Variants in TLR5 observed in about 807,000 individuals in gnomAD.
The protein encoded by TLR5 is toll like receptor 5.
For synonymous variants in TLR5, 373 were observed against 384.4 expected, an observed-to-expected ratio of 0.97 and a Z score of 0.35; for missense variants, 944 against 999.8, an observed-to-expected ratio of 0.94 and a Z score of 0.75.
At position 223,112,808 on chromosome 1, in the gene TLR5, A is replaced by AGAAGCT. The variant is rs759894202; in HGVS notation, c.223_224insAGCTTC (p.Gln73_Leu74dup). ...GGGGGTATACTGGCTCCCGAGCTCC[A>AGAAGCT]GCAGCTGCAGCTGTTCCAGAAAGGG... is the stretch of plus-strand genomic sequence containing the variant. On this transcript the variant is annotated inframe_insertion, in exon 6 of 6. Coordinates refer to ENST00000642603, the MANE Select transcript of TLR5 (RefSeq NM_003268.6). The AGAAGCT allele has an allele frequency of 3.1e-6, 5 of 1,612,312 alleles. No homozygotes were observed. Among genetic ancestry groups the AGAAGCT allele is most frequent in the Non-Finnish European group, 3.4e-6 (4 of 1,179,014 alleles).
intron 5 of TLR5, among the ~76,000 whole-genome samples, chr1:223,120,881 A>G (rs1422971756): frequency 6.6e-6 from 1 of 152,248 alleles, no homozygotes; most frequent in Non-Finnish European, 1.5e-5. Flanking sequence ...CAGAAGTTTA[A>G]GACCAGCCTG....
chr1:223,111,969 T>A lies in TLR5; in HGVS notation c.1063A>T (p.Asn355Tyr), dbSNP rs764024331. The change falls in exon 6 of 6, where the codon AAT becomes TAT. Residue 355 changes from asparagine (N) to tyrosine (Y), a missense_variant. Physicochemically the swap from Asn to Tyr is moderately radical, Grantham distance 143. Transcript: ENST00000642603. ...GCTACCTTAGGTAGTCCATAGAAATTCGAACTGTAAAGTTCCCCCAGAAGG... is the reference window on the plus strand; with the variant it reads ...GCTACCTTAGGTAGTCCATAGAAATACGAACTGTAAAGTTCCCCCAGAAGG... ...YNLLGELYSSNFYGLPKVAYI... is the reference protein window; with the variant it reads ...YNLLGELYSSYFYGLPKVAYI... The A allele has an allele frequency of 1.7e-5, 28 of 1,614,080 alleles. No homozygotes were observed. The highest frequency in any genetic ancestry group is 2.3e-5 in the Non-Finnish European group (27 of 1,180,042).
rs1299308645 is a variant in TLR5, at chr1:223,131,697, G to A, written c.-5+778C>T. 6.6e-6 allele frequency among the ~76,000 whole-genome samples: 1 copy of A among 152,130 alleles called. No homozygotes were observed. The highest frequency in any genetic ancestry group is 1.5e-5 in the Non-Finnish European group (1 of 68,024). ...TCCCATCTCAGCTTCCCAAGTAGTT[G>A]GGACTACAGGCTTGTACCACCATGC... On this transcript the variant is annotated intron_variant, in intron 5 of 5. Coordinates refer to ENST00000642603, the MANE Select transcript of TLR5 (RefSeq NM_003268.6). The surrounding 1 kb of genome is among the most constrained non-coding windows in gnomAD (Gnocchi z 4.2).
At position 223,112,342 on chromosome 1, in the gene TLR5, T is replaced by C. The variant is rs915894891; in HGVS notation, c.690A>G (p.Ile230Met). 1.2e-6 allele frequency: 2 copies of C among 1,614,236 alleles called. No individual in the cohort carries two copies. The highest frequency in any genetic ancestry group is 2.7e-5 in the African/African-American group (2 of 75,066). Residue 230 changes from isoleucine (I) to methionine (M), a missense_variant, in exon 6 of 6, where the codon ATA becomes ATG. Coordinates refer to ENST00000642603, the MANE Select transcript of TLR5 (RefSeq NM_003268.6). ...MNPFRNMVLE[I>M]LDVSGNGWTV... ...TCCAGCCATTTCCAGAAACATCTAGTATCTCCAGCACCATGTTTCTGAATG... is the reference window on the plus strand; with the variant it reads ...TCCAGCCATTTCCAGAAACATCTAGCATCTCCAGCACCATGTTTCTGAATG...
intron 2 of TLR5, among the ~76,000 whole-genome samples, chr1:223,140,546 C>CAAA (rs11388643): frequency 7.3e-5 from 9 of 122,596 alleles, no homozygotes; most frequent in African/African-American, 1.8e-4. Flanking sequence ...GACTCTGTCT[C>CAAA]AAAAAAAAAA....
intron 5 of TLR5, among the ~76,000 whole-genome samples, chr1:223,116,870 C>T (rs1242599617): frequency 2.6e-5 from 4 of 152,234 alleles, no homozygotes; most frequent in Non-Finnish European, 4.4e-5. Context: ...CTCCAAGTCC[C>T]CACCTGACTC....
intron 5 of TLR5, among the ~76,000 whole-genome samples, chr1:223,118,999 G>T (rs1286322776): frequency 6.6e-6 from 1 of 152,046 alleles, no homozygotes; most frequent in Non-Finnish European, 1.5e-5. Flanking sequence ...AGCTACTCAG[G>T]AGGCTCAGGC....
Position 223,112,181 on chromosome 1 carries a change from C to T in TLR5, c.851G>A (p.Gly284Asp). ...IKDPDQNTFA[G>D]LARSSVRHLD... ...GTGTCTCACTGAACTTCTGGCCAGG[C>T]CAGCAAATGTGTTCTGGTCAGGATC... The change falls in exon 6 of 6, where the codon GGC becomes GAC. Residue 284 changes from glycine to aspartate, a missense_variant. Coordinates refer to ENST00000642603, the MANE Select transcript of TLR5 (RefSeq NM_003268.6). 2 of 1,614,194 alleles carry T rather than the reference C, an allele frequency of 1.2e-6. No homozygotes were observed. Among genetic ancestry groups the T allele is most frequent in the Non-Finnish European group, 1.7e-6 (2 of 1,180,036 alleles).
rs1158997556 is a variant in TLR5 at position 223,119,948 on chromosome 1, A to AAAAAT, written c.-4-6918_-4-6914dup. Among the ~76,000 whole-genome samples the AAAAAT allele has an allele frequency of 6.5e-3, 299 of 45,936 alleles. 75 individuals carry two copies. The highest frequency in any genetic ancestry group is 0.037 in the Middle Eastern group (4 of 108). 30.1% of individuals were successfully genotyped at this position (45,936 alleles called of 152,430 possible). On this transcript the variant is annotated intron_variant, in intron 5 of 5. Transcript: ENST00000642603. ...CTTGGCAACAGAGTGAGACTGTCTC[A>AAAAAT]AAAATAAAATAAAATAAAATAAAAT...
chr1:223,112,322 C>T lies in TLR5; in HGVS notation c.710G>A (p.Gly237Asp). 6.2e-7 allele frequency: 1 copy of T among 1,614,178 alleles called. No homozygotes were observed. Among genetic ancestry groups the T allele is most frequent in the East Asian group, 2.2e-5 (1 of 44,886 alleles). The change falls in exon 6 of 6, where the codon GGC (glycine) becomes GAC (aspartate). Residue 237 changes from glycine to aspartate, a missense_variant. By Grantham distance (94) the Gly-to-Asp change is moderately conservative. Coordinates refer to ENST00000642603, the MANE Select transcript of TLR5 (RefSeq NM_003268.6). ...GTTTCCTGTGATGTCCACTGTCCAG[C>T]CATTTCCAGAAACATCTAGTATCTC... Reference protein sequence around the residue: ...VLEILDVSGNGWTVDITGNFS... With the variant: ...VLEILDVSGNDWTVDITGNFS...
intron 3 of TLR5, among the ~76,000 whole-genome samples, chr1:223,136,217 A>G (rs999495582): frequency 1.3e-5 from 2 of 152,116 alleles, no homozygotes. Context: ...CTCTGGCAGG[A>G]CCCCAGTGAG....
chr1:223,141,812 TATATATATATAGAGAG>T (rs1296606470), intron 1 of TLR5, 49 bp from the exon 2 acceptor site: 3,397 of 57,238 alleles, frequency 0.059, 47 homozygotes, highest in Admixed American at 0.079. Flanking sequence ...TATATATATA[TATATATATATAGAGAG>T]AGAGAGAGAG....
At chr1:223,113,966 C>A (rs576551202) in intron 5 of TLR5, among the ~76,000 whole-genome samples, 1 of 152,314 alleles carries the variant, frequency 6.6e-6, no homozygotes, top group South Asian at 2.1e-4. Flanking sequence ...TTTGTCTAGG[C>A]TACTGGCCCA....
At position 223,112,855 on chromosome 1, in the gene TLR5, C is replaced by G. The variant is rs371154339; in HGVS notation, c.177G>C (p.Arg59Ser). Reference protein sequence around the residue: ...ERLLLSFNYIRTVTASSFPFL... With the variant: ...ERLLLSFNYISTVTASSFPFL... The stretch of plus-strand genomic sequence containing the variant: ...AGGGGAAGGATGAAGCAGTGACTGT[C>G]CTGATATAGTTGAAGCTCAGCAGGA... Residue 59 changes from arginine (R) to serine (S), a missense_variant, in exon 6 of 6, where the codon AGG becomes AGC. Transcript: ENST00000642603. 1.2e-6 allele frequency: 2 copies of G among 1,613,838 alleles called. No individual in the cohort carries two copies. Among genetic ancestry groups the G allele is most frequent in the Non-Finnish European group, 1.7e-6 (2 of 1,179,918 alleles).
intron 3 of TLR5, among the ~76,000 whole-genome samples, chr1:223,135,819 C>T (rs1657587786): frequency 6.6e-6 from 1 of 152,136 alleles, no homozygotes; most frequent in African/African-American, 2.4e-5. Context: ...AAAATGGAAC[C>T]ACATATATCC....
intron 5 of TLR5, among the ~76,000 whole-genome samples, chr1:223,129,868 C>T (rs752830631): frequency 3.9e-5 from 6 of 152,194 alleles, no homozygotes; most frequent in Non-Finnish European, 7.3e-5. Context: ...AGAATCAGCA[C>T]ACGAGGTTTC....
At position 223,109,411 on chromosome 1, in the gene TLR5, T is replaced by C. The variant is rs1348832864; in HGVS notation, c.*1044A>G. 6.6e-6 allele frequency: 1 copy of C among 152,022 alleles called. No homozygotes were observed. Among genetic ancestry groups the C allele is most frequent in the African/African-American group, 2.4e-5 (1 of 41,376 alleles). The allele number at this position is 152,022 out of a possible 1,614,324, so 9.4% of individuals were successfully genotyped here. ...ATGAAAAAAAGAACAGAATGGAAAATACACATAGATTTCATTTAAGATAAA... is the reference window on the plus strand; with the variant it reads ...ATGAAAAAAAGAACAGAATGGAAAACACACATAGATTTCATTTAAGATAAA... On this transcript the variant is annotated 3_prime_UTR_variant, in exon 6 of 6. Coordinates refer to ENST00000642603, the MANE Select transcript of TLR5 (RefSeq NM_003268.6).
intron 5 of TLR5, among the ~76,000 whole-genome samples, chr1:223,120,832 A>G (rs1444485154): frequency 6.6e-6 from 1 of 152,248 alleles, no homozygotes; most frequent in Non-Finnish European, 1.5e-5. Context: ...CAGTAATCCC[A>G]GCACTTGGGG....
intron 5 of TLR5, chr1:223,129,439 A>C (rs941221299): frequency 2.6e-5 from 4 of 152,320 alleles, no homozygotes; most frequent in South Asian, 4.1e-4. Context: ...TGGACTAGGA[A>C]GGCCCTGCTC....
Sources: gnomAD v4.1 joint callset for allele counts (sites outside exome capture counted in the v4.1 genomes callset) on GRCh38, gnomAD v4.1.1 for gene constraint, Gnocchi (gnomAD v3.1) non-coding constraint, MANE v1.5 for transcripts, NCBI Gene and HGNC (gene_info 2026-07-23, HGNC 2026-07-21) for gene names.